Variants in CDH20 observed in about 807,000 individuals in gnomAD.
CDH20 encodes cadherin 20.
In CDH20, 29 loss-of-function variants were observed where a neutral mutation model predicts 74.2. The observed-to-expected ratio is 0.39, with a 90% CI of 0.29 to 0.53. The LOEUF (loss-of-function observed/expected upper bound fraction) is 0.53, where lower values mean the gene tolerates loss of function less well. CDH20 is among the 20% of genes least tolerant of loss of function. The pLI is 0.69. For synonymous variants in CDH20, 469 were observed against 405.4 expected, an observed-to-expected ratio of 1.16 and a Z score of -1.88; for missense variants, 988 against 1,048.3, an observed-to-expected ratio of 0.94 and a Z score of 0.79.
chr18:61,545,217 GCAAA>G (rs1283443426), intron 10 of CDH20, 73 bp downstream of exon 10: 1 of 898,498 alleles, frequency 1.1e-6, no homozygotes, highest in African/African-American at 1.6e-5. Context: ...ACTGTCTTAT[GCAAA>G]CAGTGTCAAA....
At chr18:61,480,671 C>G (rs566017029) in intron 1 of CDH20, among the ~76,000 whole-genome samples, 29 of 152,298 alleles carry the variant, frequency 1.9e-4, no homozygotes, top group South Asian at 1.2e-3. Context: ...GATTGACTTC[C>G]CTTTAACTTA....
intron 10 of CDH20, among the ~76,000 whole-genome samples, chr18:61,548,416 T>C (rs1244336055): frequency 1.3e-5 from 2 of 152,224 alleles, no homozygotes; most frequent in Admixed American, 1.3e-4. Flanking sequence ...CTTCTATTTC[T>C]GAAAACGAGT....
intron 1 of CDH20, among the ~76,000 whole-genome samples, chr18:61,375,360 C>A (rs962238657): frequency 6.6e-6 from 1 of 152,156 alleles, no homozygotes; most frequent in African/African-American, 2.4e-5. Context: ...TTCCACAGAC[C>A]CTACAAATTT....
chr18:61,550,257 T>C (rs768744936), intron 11 of CDH20, 28 bp downstream of exon 11: 1 of 1,602,802 alleles, frequency 6.2e-7, no homozygotes, highest in Non-Finnish European at 8.5e-7. Flanking sequence ...TTCCCTTCTG[T>C]GGAGTCCTGC....
intron 1 of CDH20, among the ~76,000 whole-genome samples, chr18:61,459,723 T>C (rs1001603508): frequency 1.3e-5 from 2 of 152,134 alleles, no homozygotes; most frequent in Admixed American, 6.5e-5. Context: ...CCTATGCACT[T>C]TCAAGTCCGA....
intron 1 of CDH20, among the ~76,000 whole-genome samples, chr18:61,435,613 A>T (rs891229584): frequency 1.3e-5 from 2 of 152,104 alleles, no homozygotes; most frequent in Non-Finnish European, 2.9e-5. Flanking sequence ...AGAAAGAGGA[A>T]ATATCAGAAG....
chr18:61,453,355 G>A (rs1909461350), intron 1 of CDH20, among the ~76,000 whole-genome samples: 1 of 152,124 alleles, frequency 6.6e-6, no homozygotes. Flanking sequence ...TCGGCTCACT[G>A]CAACCTCCAT....
At chr18:61,445,194 A>G (rs1909158336) in intron 1 of CDH20, among the ~76,000 whole-genome samples, 1 of 151,994 alleles carries the variant, frequency 6.6e-6, no homozygotes, top group South Asian at 2.1e-4. Context: ...ATTTATAATT[A>G]TATCTACTAT....
chr18:61,489,069 GCA>G (rs1220974575), intron 1 of CDH20, among the ~76,000 whole-genome samples: 1 of 152,198 alleles, frequency 6.6e-6, no homozygotes, highest in Non-Finnish European at 1.5e-5. Flanking sequence ...CTCATAAGAG[GCA>G]CAGCCTCCCA....
intron 5 of CDH20, among the ~76,000 whole-genome samples, chr18:61,505,845 C>G (rs1226755276): frequency 1.3e-5 from 2 of 152,164 alleles, no homozygotes; most frequent in Non-Finnish European, 2.9e-5. Flanking sequence ...CCTTTTAAAA[C>G]TTTGCATTCT....
chr18:61,343,173 T>G (rs562869969), intron 1 of CDH20, among the ~76,000 whole-genome samples: 2 of 152,206 alleles, frequency 1.3e-5, no homozygotes, highest in African/African-American at 4.8e-5. Context: ...ACTTCTTTAA[T>G]AAACCACTGA....
At position 61,341,432 on chromosome 18, in the gene CDH20, C is replaced by T. The variant is rs371643161; in HGVS notation, c.-153+7605C>T. 7.1e-3 allele frequency among the ~76,000 whole-genome samples: 910 copies of T among 127,952 alleles called. 11 individuals carry two copies. The highest frequency in any genetic ancestry group is 0.024 in the African/African-American group (825 of 34,670). 83.9% of individuals were successfully genotyped at this position (127,952 alleles called of 152,430 possible). On this transcript the variant is annotated intron_variant, in intron 1 of 11. Coordinates refer to ENST00000262717, the MANE Select transcript of CDH20 (RefSeq NM_031891.4). ...CAATGACTGCCTTGAGCCCCCCCCCCGCCTAATGCCGTTCCATTGTGGGTT... is the reference window on the plus strand; with the variant it reads ...CAATGACTGCCTTGAGCCCCCCCCCTGCCTAATGCCGTTCCATTGTGGGTT...
At chr18:61,487,176 G>T (rs1048559328) in intron 1 of CDH20, among the ~76,000 whole-genome samples, 1 of 152,136 alleles carries the variant, frequency 6.6e-6, no homozygotes, top group African/African-American at 2.4e-5. Flanking sequence ...GTCTTCCAAA[G>T]CAGATCTATA....
In CDH20 at chr18:61,353,865, T is replaced by G. The variant is rs1182679471; in HGVS notation, c.-153+20038T>G. Among the ~76,000 whole-genome samples the G allele has an allele frequency of 6.6e-6, 1 of 152,102 alleles. No homozygotes were observed. The highest frequency in any genetic ancestry group is 1.5e-5 in the Non-Finnish European group (1 of 68,016). On this transcript the variant is annotated intron_variant, in intron 1 of 11. Transcript: ENST00000262717. This position sits in a 1 kb window ranked among gnomAD's most constrained non-coding sequence, Gnocchi z 4.6. ...AGGAGGCCGGGGCGGTTGGATTGCCTGAACTCTGTAGTTCATAACCAGCCT... is the reference window on the plus strand; with the variant it reads ...AGGAGGCCGGGGCGGTTGGATTGCCGGAACTCTGTAGTTCATAACCAGCCT...
In CDH20 at chr18:61,450,728, T is replaced by C. The variant is rs115061531; in HGVS notation, c.-152-39674T>C. ...TTTTTTACAAAATGAGATCATACTA[T>C]ACGTACTCTTAAAGCCTAATGGTTT... is the stretch of plus-strand genomic sequence containing the variant. On this transcript the variant is annotated intron_variant, in intron 1 of 11. Transcript: ENST00000262717. Among the ~76,000 whole-genome samples, 653 of 152,206 alleles carry C rather than the reference T, an allele frequency of 4.3e-3. 4 individuals carry two copies. The highest frequency in any genetic ancestry group is 0.015 in the African/African-American group (604 of 41,572).
At chr18:61,442,384 A>AAAC (rs201613850) in intron 1 of CDH20, among the ~76,000 whole-genome samples, 5 of 150,306 alleles carry the variant, frequency 3.3e-5, no homozygotes, top group African/African-American at 1.2e-4. Flanking sequence ...AAAAAAAAAA[A>AAAC]CAGAAGCAAA....
chr18:61,489,465 T>C (rs1910879820), intron 1 of CDH20, among the ~76,000 whole-genome samples: 2 of 152,064 alleles, frequency 1.3e-5, no homozygotes, highest in East Asian at 1.9e-4. Context: ...TTGAGTGTTA[T>C]GCCATCTCAT....
chr18:61,421,267 A>T (rs1018573830), intron 1 of CDH20, among the ~76,000 whole-genome samples: 1 of 152,190 alleles, frequency 6.6e-6, no homozygotes, highest in African/African-American at 2.4e-5. Context: ...GGATAGCAAA[A>T]ATATTGCAGC....
intron 1 of CDH20, among the ~76,000 whole-genome samples, chr18:61,406,486 G>A (rs950945126): frequency 6.6e-6 from 1 of 152,210 alleles, no homozygotes; most frequent in African/African-American, 2.4e-5. Context: ...TTGGAGGGGA[G>A]TCTCTTCCTG....
Sources: gnomAD v4.1 joint callset for allele counts (sites outside exome capture counted in the v4.1 genomes callset) on GRCh38, gnomAD v4.1.1 for gene constraint, Gnocchi (gnomAD v3.1) non-coding constraint, MANE v1.5 for transcripts, NCBI Gene and HGNC (gene_info 2026-07-23, HGNC 2026-07-21) for gene names.